ZGRF1: variants seen among roughly 807,000 people sequenced by gnomAD.
The protein encoded by ZGRF1 is 5'-3' DNA helicase ZGRF1.
Under a neutral mutation model 203.5 loss-of-function variants are expected in ZGRF1, and 196 were observed. That is an observed-to-expected ratio of 0.96 (90% CI 0.86 to 1.08). ZGRF1 has a LOEUF of 1.08. ZGRF1 is among the 50% of genes least tolerant of loss of function. The pLI is 0.00. For synonymous variants in ZGRF1, 809 were observed against 841.3 expected, an observed-to-expected ratio of 0.96 and a Z score of 0.66; for missense variants, 2,326 against 2,416.3, an observed-to-expected ratio of 0.96 and a Z score of 0.78.
intron 16 of ZGRF1, among the ~76,000 whole-genome samples, chr4:112,574,552 T>C (rs1053124635): frequency 2.6e-5 from 4 of 152,150 alleles, no homozygotes; most frequent in South Asian, 4.1e-4. Flanking sequence ...TAAATGTAGG[T>C]TGGTATAAAG....
chr4:112,585,413 G>A, intron 14 of ZGRF1, 128 bp downstream of exon 14: 1 of 585,026 alleles, frequency 1.7e-6, no homozygotes, highest in South Asian at 4.4e-5. Flanking sequence ...TGTATGTTAG[G>A]TACCAACACC....
chr4:112,543,880 T>TC (rs1219877968), intron 24 of ZGRF1, among the ~76,000 whole-genome samples: 2 of 152,114 alleles, frequency 1.3e-5, no homozygotes, highest in African/African-American at 4.8e-5. Flanking sequence ...AGAGGCAGGG[T>TC]CAGAGCTCCG....
intron 10 of ZGRF1, among the ~76,000 whole-genome samples, chr4:112,592,269 T>G (rs1481264037): frequency 6.6e-6 from 1 of 152,020 alleles, no homozygotes; most frequent in Non-Finnish European, 1.5e-5. Flanking sequence ...GGCTAATTTT[T>G]GTGCTTTTAG....
Position 112,539,966 on chromosome 4 carries a change from C to T in ZGRF1, c.6069G>A (p.Met2023Ile). 6.2e-7 allele frequency: 1 copy of T among 1,613,826 alleles called. No individual in the cohort carries two copies. The highest frequency in any genetic ancestry group is 8.5e-7 in the Non-Finnish European group (1 of 1,179,798). Residue 2023 changes from methionine to isoleucine, a missense_variant, in exon 27 of 28, where the codon ATG (methionine) becomes ATA (isoleucine). Physicochemically the swap from Met to Ile is conservative, Grantham distance 10. Transcript: ENST00000505019. The stretch of plus-strand genomic sequence containing the variant: ...TCTTTCCTCTAGTCAATGCAACATT[C>T]ATTCTTTTTTCTGAATCAATGAATC... ...QVGFIDSEKRMNVALTRGKRH... is the reference protein window; with the variant it reads ...QVGFIDSEKRINVALTRGKRH...
intron 7 of ZGRF1, 37 bp from the exon 8 acceptor site, chr4:112,609,466 G>T: frequency 8.9e-7 from 1 of 1,127,234 alleles, no homozygotes; most frequent in Non-Finnish European, 1.3e-6. Context: ...TAAACTAATA[G>T]GCAATAATAA....
At chr4:112,581,621 A>G (rs766702546) in intron 16 of ZGRF1, 42 bp downstream of exon 16, 2 of 1,449,114 alleles carry the variant, frequency 1.4e-6, no homozygotes, top group South Asian at 3.1e-5. Flanking sequence ...AATGGAGATA[A>G]TAAGGCTAGA....
In ZGRF1 at chr4:112,553,859, C is replaced by T. The variant is rs767919193; in HGVS notation, c.5322G>A (p.Gly1774=). ...VRKSIEQHKL[G]TNRTLLKQVR... ...CCTGCTTCAGCAGGGTTCTATTGGT[C>T]CCCAGTTTATGCTGCTCAATGCTTT... Residue 1774 remains glycine (G), a synonymous_variant, in exon 22 of 28, where the codon GGG becomes GGA. Coordinates refer to ENST00000505019, the MANE Select transcript of ZGRF1 (RefSeq NM_018392.5). 6.2e-7 allele frequency: 1 copy of T among 1,611,638 alleles called. No homozygotes were observed. The highest frequency in any genetic ancestry group is 1.1e-5 in the South Asian group (1 of 90,226).
intron 11 of ZGRF1, among the ~76,000 whole-genome samples, chr4:112,588,598 T>C (rs1406000259): frequency 6.6e-6 from 1 of 152,190 alleles, no homozygotes; most frequent in Non-Finnish European, 1.5e-5. Context: ...TTTAGTGATA[T>C]ATTCCTAAAA....
chr4:112,605,814 T>C (rs183450993), intron 9 of ZGRF1, 194 bp downstream of exon 9: 17 of 550,910 alleles, frequency 3.1e-5, no homozygotes, highest in Middle Eastern at 5.1e-4. Context: ...ATTAGTAGTA[T>C]AGAGAAAGTT....
chr4:112,609,139 C>T (rs541227912), intron 8 of ZGRF1, among the ~76,000 whole-genome samples: 51 of 151,836 alleles, frequency 3.4e-4, no homozygotes, highest in African/African-American at 1.1e-3. Flanking sequence ...CTGCAAGCTC[C>T]GCCTCCCGGG....
intron 16 of ZGRF1, among the ~76,000 whole-genome samples, chr4:112,576,687 G>A (rs543617814): frequency 3.0e-4 from 46 of 152,302 alleles, no homozygotes; most frequent in African/African-American, 1.1e-3. Context: ...AGTGATGGAA[G>A]ATCAAATGAA....
chr4:112,636,599 G>T (rs185279692), intron 1 of ZGRF1: 1 of 152,050 alleles, frequency 6.6e-6, no homozygotes, highest in Non-Finnish European at 1.5e-5. Context: ...TCCTTTCTCA[G>T]TCCTAAATAC....
chr4:112,584,174 C>T lies in ZGRF1; in HGVS notation c.4102G>A (p.Gly1368Ser). ...CCATCACATGTATAAAAGAGACGAC[C>T]CTAAGGGGAAAGAAAAAAGATCAAC... ...VMVKKEGPNK[G>S]RLFYTCDGPK... Residue 1368 changes from glycine to serine, a missense_variant and splice_region_variant, in exon 15 of 28, where the codon GGT (glycine) becomes AGT (serine). Coordinates refer to ENST00000505019, the MANE Select transcript of ZGRF1 (RefSeq NM_018392.5). 1 of 1,554,196 alleles carries T rather than the reference C, an allele frequency of 6.4e-7. No individual in the cohort carries two copies. Among genetic ancestry groups the T allele is most frequent in the Non-Finnish European group, 8.7e-7 (1 of 1,154,770 alleles).
At position 112,620,045 on chromosome 4, in the gene ZGRF1, C is replaced by T. The variant is rs768493027; in HGVS notation, c.308G>A (p.Arg103Gln). 29 of 1,605,554 alleles carry T rather than the reference C, an allele frequency of 1.8e-5. No homozygotes were observed. The highest frequency in any genetic ancestry group is 2.7e-5 in the African/African-American group (2 of 74,660). ...GCCAGAGGGCTGACATCCAAGAGAT[C>T]GGCCAGAGGATATAAATGTCCTTGA... ...LNSRTFISSG[R>Q]SLGCQPSGLK... Residue 103 changes from arginine to glutamine, a missense_variant, in exon 5 of 28, where the codon CGA (arginine) becomes CAA (glutamine). Transcript: ENST00000505019.
chr4:112,577,680 G>A (rs373665603), intron 16 of ZGRF1, among the ~76,000 whole-genome samples: 2 of 122,922 alleles, frequency 1.6e-5, no homozygotes, highest in African/African-American at 5.7e-5. Context: ...AAGAGACAAA[G>A]AAGGCCATTA....
At chr4:112,580,289 A>G (rs1194381383) in intron 16 of ZGRF1, among the ~76,000 whole-genome samples, 1 of 137,854 alleles carries the variant, frequency 7.3e-6, no homozygotes, top group Non-Finnish European at 1.6e-5. Flanking sequence ...AAATGGATTA[A>G]AGACTTAAAT....
rs868372986 is a variant in ZGRF1, at chr4:112,579,057, A to C, written c.4438+2606T>G. 1.5e-4 allele frequency among the ~76,000 whole-genome samples: 18 copies of C among 123,394 alleles called. 6 individuals are homozygous for C. Among genetic ancestry groups the C allele is most frequent in the Admixed American group, 1.0e-3 (11 of 10,860 alleles). 81.0% of individuals were successfully genotyped at this position (123,394 alleles called of 152,430 possible). A position where few individuals can be genotyped will look rare whatever the true frequency, so the allele number is the denominator to read the frequency against. On this transcript the variant is annotated intron_variant, in intron 16 of 27. Transcript: ENST00000505019. ...GGCAAACTGAATCCAGCAGCACATC[A>C]TAAAGCTTATCCACCATGATCAAGT...
At chr4:112,633,738 G>A (rs2047489028) in intron 1 of ZGRF1, among the ~76,000 whole-genome samples, 1 of 152,222 alleles carries the variant, frequency 6.6e-6, no homozygotes, top group Admixed American at 6.5e-5. Context: ...TACTGTAGTT[G>A]TTATGCTATT....
At chr4:112,604,190 C>T in intron 9 of ZGRF1, among the ~76,000 whole-genome samples, 1 of 151,172 alleles carries the variant, frequency 6.6e-6, no homozygotes, top group Non-Finnish European at 1.5e-5. Flanking sequence ...CGCCACTGCA[C>T]TCCAGCCTGG....
Sources: allele counts gnomAD v4.1 joint callset (sites outside exome capture counted in the v4.1 genomes callset), GRCh38; gene constraint gnomAD v4.1.1; transcripts MANE v1.5; gene names NCBI Gene and HGNC (gene_info 2026-07-23, HGNC 2026-07-21).